The following MAP4 variants were observed in gnomAD, a reference collection of about 807,000 sequenced individuals.
MAP4 encodes microtubule associated protein 4, also known as microtubule-associated protein 4.
MAP4 carries 76 observed loss-of-function variants against 170.2 expected under a neutral mutation model. That is an observed-to-expected ratio of 0.45 (90% CI 0.37 to 0.54). The LOEUF (loss-of-function observed/expected upper bound fraction) is 0.54, where lower values mean the gene tolerates loss of function less well. Ranked by LOEUF, MAP4 falls within the 20% of genes least tolerant of loss-of-function variation. MAP4 has a pLI of 0.00. For missense variants in MAP4, 2,506 were observed against 2,748.0 expected, an observed-to-expected ratio of 0.91 and a Z score of 1.97; for synonymous variants, 909 against 994.5, an observed-to-expected ratio of 0.91 and a Z score of 1.62.
intron 1 of MAP4, among the ~76,000 whole-genome samples, chr3:48,057,931 TAA>T (rs767314954): frequency 2.4e-4 from 36 of 152,210 alleles, no homozygotes; most frequent in East Asian, 1.7e-3. Context: ...AAAACTAAAT[TAA>T]AAAACACAAA....
intron 3 of MAP4, among the ~76,000 whole-genome samples, chr3:47,934,683 C>T (rs1320819472): frequency 1.3e-5 from 2 of 152,128 alleles, no homozygotes; most frequent in Non-Finnish European, 2.9e-5. Flanking sequence ...TATTTCACAC[C>T]CTCAGCTCTT....
intron 2 of MAP4, among the ~76,000 whole-genome samples, chr3:47,978,140 G>A (rs1353950809): frequency 6.6e-6 from 1 of 152,132 alleles, no homozygotes; most frequent in African/African-American, 2.4e-5. Flanking sequence ...CCCAAGCTCT[G>A]TAAAGTACCA....
intron 1 of MAP4, among the ~76,000 whole-genome samples, chr3:48,000,114 C>A (rs920821923): frequency 6.7e-6 from 1 of 149,072 alleles, no homozygotes; most frequent in African/African-American, 2.5e-5. Flanking sequence ...ACTTGTGAGG[C>A]TGAGGTACGA....
chr3:48,015,502 C>A (rs1222415940), intron 1 of MAP4, among the ~76,000 whole-genome samples: 6 of 152,102 alleles, frequency 3.9e-5, no homozygotes, highest in African/African-American at 1.4e-4. Flanking sequence ...TGTGGGAGAT[C>A]ATTTATAATC....
At position 47,951,340 on chromosome 3, in the gene MAP4, CTCTCCCTCTCCCCACGG is replaced by C. The variant is rs1175091741; in HGVS notation, c.293-23007_293-22991del. Reference sequence around the variant, plus strand: ...CCTCTCCCTCTCCCTCCTCTCCCTCCTCTCCCTCTCCCCACGGTCTCCCTCTCCCTCTCTTTCCACGG... The same window carrying C: ...CCTCTCCCTCTCCCTCCTCTCCCTCCTCTCCCTCTCCCTCTCTTTCCACGG... On this transcript the variant is annotated intron_variant, in intron 3 of 20. Transcript: ENST00000683076. Among the ~76,000 whole-genome samples, 5 of 151,718 alleles carry C rather than the reference CTCTCCCTCTCCCCACGG, an allele frequency of 3.3e-5. No homozygotes were observed. The South Asian group carries it at 8.3e-4, about 25-fold the overall frequency.
At chr3:47,993,517 A>C (rs1489836409) in intron 2 of MAP4, among the ~76,000 whole-genome samples, 2 of 152,214 alleles carry the variant, frequency 1.3e-5, no homozygotes, top group African/African-American at 2.4e-5. Flanking sequence ...TTGGCTGATA[A>C]ATTAAAATTG....
At chr3:48,075,250 C>T (rs2100143247) in intron 1 of MAP4, among the ~76,000 whole-genome samples, 1 of 152,176 alleles carries the variant, frequency 6.6e-6, no homozygotes, top group South Asian at 2.1e-4. Flanking sequence ...CCAGGCCGGG[C>T]ACGGTGGCTC....
Position 47,957,697 on chromosome 3 carries a change from T to G in MAP4, c.292+20168A>C, listed in dbSNP as rs527767616. On this transcript the variant is annotated intron_variant, in intron 3 of 20. Coordinates refer to ENST00000683076, the MANE Select transcript of MAP4 (RefSeq NM_001385682.1). ...CTCATGTCCATGGACTTAACTGGTG[T>G]TGTCACATCCTATCACACAGAATGG... 3.3e-5 allele frequency among the ~76,000 whole-genome samples: 5 copies of G among 152,270 alleles called. No homozygotes were observed. In the East Asian group the frequency reaches 7.7e-4, roughly 24 times the overall value.
At chr3:47,893,766 T>G (rs968655300) in intron 10 of MAP4, among the ~76,000 whole-genome samples, 1 of 152,084 alleles carries the variant, frequency 6.6e-6, no homozygotes, top group African/African-American at 2.4e-5. Flanking sequence ...TTGCTTTTTT[T>G]TTTTTTTTAA....
At chr3:47,991,544 CCAAGCTATT>C (rs1300028202) in intron 2 of MAP4, among the ~76,000 whole-genome samples, 1 of 152,146 alleles carries the variant, frequency 6.6e-6, no homozygotes, top group African/African-American at 2.4e-5. Flanking sequence ...CACCTGTAGT[CCAAGCTATT>C]CAGGAGCCTG....
At chr3:48,043,455 A>G (rs2100122720) in intron 1 of MAP4, among the ~76,000 whole-genome samples, 1 of 151,684 alleles carries the variant, frequency 6.6e-6, no homozygotes, top group East Asian at 1.9e-4. Context: ...ATATCTCAAC[A>G]AAACTGTTAC....
In MAP4 at chr3:48,064,444, A is replaced by G. The variant is rs1197669606; in HGVS notation, c.-20+24329T>C. Among the ~76,000 whole-genome samples, 3 of 152,140 alleles carry G rather than the reference A, an allele frequency of 2.0e-5. No homozygotes were observed. The East Asian group carries it at 5.8e-4, about 29-fold the overall frequency. ...AGAACTCCTGACTCACTGGTCCCCTACCCACAAAATTATCCTTTAAAACTC... is the reference window on the plus strand; with the variant it reads ...AGAACTCCTGACTCACTGGTCCCCTGCCCACAAAATTATCCTTTAAAACTC... On this transcript the variant is annotated intron_variant, in intron 1 of 18. Transcript: ENST00000360240.
intron 3 of MAP4, among the ~76,000 whole-genome samples, chr3:47,933,766 A>G (rs572335769): frequency 6.6e-6 from 1 of 151,922 alleles, no homozygotes; most frequent in Admixed American, 6.5e-5. Flanking sequence ...ACGCCCGGCT[A>G]ATTTTTTGTA....
At chr3:48,008,220 C>T (rs1437122698) in intron 1 of MAP4, among the ~76,000 whole-genome samples, 1 of 152,184 alleles carries the variant, frequency 6.6e-6, no homozygotes, top group East Asian at 1.9e-4. Context: ...CCATGGCCTC[C>T]ACTCCTGCCA....
At chr3:48,066,430 A>G (rs181334087) in intron 1 of MAP4, among the ~76,000 whole-genome samples, 2 of 152,284 alleles carry the variant, frequency 1.3e-5, no homozygotes, top group Admixed American at 1.3e-4. Context: ...TTTGATATAT[A>G]GTTAGCCCTC....
intron 1 of MAP4, among the ~76,000 whole-genome samples, chr3:48,032,763 A>G (rs1348973909): frequency 1.3e-5 from 2 of 152,162 alleles, no homozygotes; most frequent in East Asian, 1.9e-4. Context: ...ATAATCTACA[A>G]TTCCCCTGAG....
chr3:48,012,652 C>G (rs1025019837), intron 1 of MAP4, among the ~76,000 whole-genome samples: 7 of 152,000 alleles, frequency 4.6e-5, no homozygotes. Flanking sequence ...ACCCTCAGCA[C>G]CCCCACCCCG....
intron 1 of MAP4, among the ~76,000 whole-genome samples, chr3:48,054,045 T>C (rs1160902724): frequency 1.3e-5 from 2 of 152,202 alleles, no homozygotes; most frequent in African/African-American, 4.8e-5. Context: ...GGCTCACACC[T>C]GTGATCCCAA....
intron 4 of MAP4, among the ~76,000 whole-genome samples, chr3:47,927,613 T>A (rs1269813561): frequency 1.3e-5 from 2 of 152,104 alleles, no homozygotes; most frequent in African/African-American, 4.8e-5. Flanking sequence ...GTAGCTGGGA[T>A]TACAGACATA....
Sources: allele counts gnomAD v4.1 joint callset (sites outside exome capture counted in the v4.1 genomes callset), GRCh38; gene constraint gnomAD v4.1.1; transcripts MANE v1.5; gene names NCBI Gene and HGNC (gene_info 2026-07-23, HGNC 2026-07-21).